The following SLC38A1 variants were observed in gnomAD, a reference collection of about 807,000 sequenced individuals.
SLC38A1 encodes solute carrier family 38 member 1.
Under a neutral mutation model 60.3 loss-of-function variants are expected in SLC38A1, and 18 were observed. The ratio of observed to expected loss-of-function variants is 0.30; its 90% confidence interval spans 0.21 to 0.44. The LOEUF is 0.44. SLC38A1 is among the 20% of genes least tolerant of loss of function. SLC38A1 has a pLI of 1.00. For synonymous variants in SLC38A1, 196 were observed against 212.1 expected (o/e 0.92, Z 0.66); for missense variants, 448 against 587.2 (o/e 0.76, Z 2.45).
intron 2 of SLC38A1, among the ~76,000 whole-genome samples, chr12:46,240,438 C>G (rs777592886): frequency 6.6e-6 from 1 of 152,160 alleles, no homozygotes; most frequent in Admixed American, 6.5e-5. Flanking sequence ...TCAGGTGATC[C>G]GCCCTCCTCA....
chr12:46,195,228 T>C (rs12815266), intron 16 of SLC38A1, among the ~76,000 whole-genome samples: 2 of 152,122 alleles, frequency 1.3e-5, no homozygotes, highest in African/African-American at 4.8e-5. Flanking sequence ...TTGCTGGAGG[T>C]CCACTCCAGA....
intron 9 of SLC38A1, 64 bp from the exon 10 acceptor site, chr12:46,204,654 C>T: frequency 7.8e-7 from 1 of 1,279,690 alleles, no homozygotes; most frequent in Non-Finnish European, 1.1e-6. Context: ...TTTGGAGCTA[C>T]CCATCATAAA....
chr12:46,261,712 T>G (rs1389865372), intron 1 of SLC38A1, among the ~76,000 whole-genome samples: 1 of 152,226 alleles, frequency 6.6e-6, no homozygotes, highest in Admixed American at 6.5e-5. Flanking sequence ...AAGAACTATA[T>G]AAACGGAAGG....
chr12:46,193,490 A>G (rs910593366), intron 16 of SLC38A1, among the ~76,000 whole-genome samples: 3 of 152,194 alleles, frequency 2.0e-5, no homozygotes, highest in African/African-American at 7.2e-5. Context: ...TATCCTTGAT[A>G]ACCTTCTGTC....
At chr12:46,256,039 C>T (rs766971523) in intron 1 of SLC38A1, among the ~76,000 whole-genome samples, 27 of 151,794 alleles carry the variant, frequency 1.8e-4, no homozygotes, top group Admixed American at 6.6e-4. Context: ...TGGTGGCAGG[C>T]GCCTGTAGTC....
intron 1 of SLC38A1, among the ~76,000 whole-genome samples, chr12:46,258,791 T>A (rs1942111331): frequency 6.6e-6 from 1 of 152,222 alleles, no homozygotes; most frequent in Non-Finnish European, 1.5e-5. Flanking sequence ...GTACCTGGAA[T>A]TACAGGCACA....
intron 5 of SLC38A1, among the ~76,000 whole-genome samples, chr12:46,225,172 G>A (rs1482080799): frequency 6.6e-6 from 1 of 152,152 alleles, no homozygotes. Context: ...AAAAAGCCAA[G>A]ACCAACTCAG....
At chr12:46,209,016 C>A (rs758253713) in intron 6 of SLC38A1, 38 bp downstream of exon 6, 16 of 1,402,756 alleles carry the variant, frequency 1.1e-5, no homozygotes, top group Non-Finnish European at 1.5e-5. Context: ...AAATAATTCA[C>A]CCTGGTTTTA....
chr12:46,210,086 GCA>G (rs1167830380), intron 5 of SLC38A1, among the ~76,000 whole-genome samples: 1 of 152,088 alleles, frequency 6.6e-6, no homozygotes, highest in Non-Finnish European at 1.5e-5. Flanking sequence ...GAGGCACTTG[GCA>G]CATCATGCCG....
chr12:46,213,446 C>A (rs1180064793), intron 5 of SLC38A1, among the ~76,000 whole-genome samples: 1 of 152,228 alleles, frequency 6.6e-6, no homozygotes. Context: ...TCAACCACTG[C>A]ATCTAACTTC....
intron 3 of SLC38A1, among the ~76,000 whole-genome samples, chr12:46,230,331 G>A (rs114592965): frequency 5.3e-5 from 8 of 152,158 alleles, no homozygotes; most frequent in Non-Finnish European, 1.2e-4. Context: ...AGGAAATTAC[G>A]GTGGGAGGCA....
rs1356029243 is a variant in SLC38A1, at chr12:46,268,767, G to A, written c.-450C>T. The A allele has an allele frequency of 9.2e-6, 3 of 326,740 alleles. No individual in the cohort carries two copies. The highest frequency in any genetic ancestry group is 1.0e-4 in the East Asian group (1 of 9,888). The allele number at this position is 326,740 out of a possible 1,614,324, so 20.2% of individuals were successfully genotyped here. ...CGGAGTGGCGTGGCCGCCCCAGTCC[G>A]CGCTCGCCTGGCTCTCCTCCTTTCC... On this transcript the variant is annotated 5_prime_UTR_variant, in exon 1 of 17. Transcript: ENST00000398637. The surrounding 1 kb of genome is among the most constrained non-coding windows in gnomAD (Gnocchi z 4.4).
chr12:46,224,566 G>T (rs1314024837), intron 5 of SLC38A1, among the ~76,000 whole-genome samples: 1 of 152,174 alleles, frequency 6.6e-6, no homozygotes, highest in East Asian at 1.9e-4. Flanking sequence ...AAAGAAGCCT[G>T]GACAGTCTTG....
At chr12:46,240,432 G>A (rs1456219308) in intron 2 of SLC38A1, among the ~76,000 whole-genome samples, 1 of 152,178 alleles carries the variant, frequency 6.6e-6, no homozygotes, top group African/African-American at 2.4e-5. Context: ...CTGACCTCAG[G>A]TGATCCGCCC....
At chr12:46,260,018 C>T (rs952851245) in intron 1 of SLC38A1, among the ~76,000 whole-genome samples, 1 of 152,162 alleles carries the variant, frequency 6.6e-6, no homozygotes, top group Non-Finnish European at 1.5e-5. Flanking sequence ...GCCTTAGTTT[C>T]CTCATCTGTA....
intron 1 of SLC38A1, among the ~76,000 whole-genome samples, chr12:46,261,175 C>A (rs185574444): frequency 6.6e-6 from 1 of 152,330 alleles, no homozygotes; most frequent in East Asian, 1.9e-4. Context: ...GCCCAGCTTG[C>A]TTGCTTTTTT....
intron 5 of SLC38A1, among the ~76,000 whole-genome samples, chr12:46,215,280 C>T (rs1285757645): frequency 6.6e-6 from 1 of 152,230 alleles, no homozygotes; most frequent in Non-Finnish European, 1.5e-5. Flanking sequence ...ACAGACCCCA[C>T]GGCTACCCAA....
At chr12:46,263,875 G>A (rs970733585) in intron 1 of SLC38A1, among the ~76,000 whole-genome samples, 3 of 152,220 alleles carry the variant, frequency 2.0e-5, no homozygotes, top group African/African-American at 7.2e-5. Flanking sequence ...AGTCAGTCAA[G>A]CTCATAATTT....
At position 46,268,744 on chromosome 12, in the gene SLC38A1, G is replaced by C. The variant is rs1227243769; in HGVS notation, c.-427C>G. The C allele has an allele frequency of 3.2e-6, 1 of 314,586 alleles. No homozygotes were observed. The highest frequency in any genetic ancestry group is 2.2e-5 in the South Asian group (1 of 45,880). 19.5% of individuals were successfully genotyped at this position (314,586 alleles called of 1,614,324 possible). A position where few individuals can be genotyped will look rare whatever the true frequency, so the allele number is the denominator to read the frequency against. ...GGAGGCTCCTGGCGACCTTCTGGCG[G>C]AGTGGCGTGGCCGCCCCAGTCCGCG... On this transcript the variant is annotated 5_prime_UTR_variant, in exon 1 of 17. Transcript: ENST00000398637. This position sits in a 1 kb window ranked among gnomAD's most constrained non-coding sequence, Gnocchi z 4.4.
Sources: allele counts gnomAD v4.1 joint callset (sites outside exome capture counted in the v4.1 genomes callset), GRCh38; gene constraint gnomAD v4.1.1; non-coding constraint Gnocchi (gnomAD v3.1); transcripts MANE v1.5; gene names NCBI Gene and HGNC (gene_info 2026-07-23, HGNC 2026-07-21).